EXOC3: variants seen among roughly 807,000 people sequenced by gnomAD.
EXOC3 encodes the protein exocyst complex component 3.
In EXOC3, 21 loss-of-function variants were observed where a neutral mutation model predicts 73.7. The ratio of observed to expected loss-of-function variants is 0.29; its 90% CI spans 0.20 to 0.41. The LOEUF (loss-of-function observed/expected upper bound fraction) is 0.41, where lower values mean the gene tolerates loss of function less well. EXOC3 is among the 10% of genes least tolerant of loss of function. EXOC3 has a pLI of 1.00. For missense variants in EXOC3, 842 were observed against 985.1 expected (o/e 0.85, Z 1.95); for synonymous variants, 410 against 389.1 (o/e 1.05, Z -0.63).
rs11742785 is a variant in EXOC3, at chr5:458,085, G to C, written c.1290+60G>C. ...CCTAGGTGGATAGTGGGACCTGTAG[G>C]TTTTACAAAGTGACACAGATACCTG... On this transcript the variant is annotated intron_variant, in intron 6 of 12. Coordinates refer to ENST00000512944, the MANE Select transcript of EXOC3 (RefSeq NM_007277.5). 5.1e-3 allele frequency: 7,817 copies of C among 1,546,016 alleles called. 20 individuals carry two copies. Among genetic ancestry groups the C allele is most frequent in the Middle Eastern group, 7.9e-3 (40 of 5,078 alleles).
At chr5:449,586 A>T (rs72717440) in intron 3 of EXOC3, among the ~76,000 whole-genome samples, 40,373 of 152,162 alleles carry the variant, frequency 0.27, 6,998 homozygotes, top group Non-Finnish European at 0.39. Context: ...ACTCAGCATG[A>T]TGTCCTCAGG....
intron 3 of EXOC3, among the ~76,000 whole-genome samples, chr5:450,582 G>T (rs1244581988): frequency 6.6e-6 from 1 of 152,138 alleles, no homozygotes; most frequent in East Asian, 1.9e-4. Context: ...CTCTTTCCTT[G>T]TTTAGCTTCT....
intron 9 of EXOC3, among the ~76,000 whole-genome samples, chr5:463,501 T>C (rs36111336): frequency 0.14 from 21,399 of 152,276 alleles, 1,956 homozygotes; most frequent in Non-Finnish European, 0.2. Context: ...ACGTGGATGC[T>C]GTTCAGGCTT....
intron 7 of EXOC3, among the ~76,000 whole-genome samples, chr5:460,304 G>GA (rs1175737538): frequency 6.6e-6 from 1 of 151,602 alleles, no homozygotes; most frequent in Non-Finnish European, 1.5e-5. Context: ...TCTCTGTAGA[G>GA]AGATGTCCCT....
At position 462,323 on chromosome 5, in the gene EXOC3, T is replaced by C. The variant is rs747595341; in HGVS notation, c.1653+16T>C. The C allele has an allele frequency of 1.2e-6, 2 of 1,613,716 alleles. No homozygotes were observed. The highest frequency in any genetic ancestry group is 2.2e-5 in the South Asian group (2 of 91,084). ...GGACCTGGAGGTGGGCCTGGCTCTT[T>C]CCTCCTGCCGTTTTCTGGGCCGAAG... On this transcript the variant is annotated intron_variant, in intron 9 of 12. Transcript: ENST00000512944.
At chr5:451,548 T>C (rs1339978209) in intron 3 of EXOC3, among the ~76,000 whole-genome samples, 1 of 152,252 alleles carries the variant, frequency 6.6e-6, no homozygotes, top group East Asian at 1.9e-4. Flanking sequence ...AGAACAAATA[T>C]TAGTCTCTTA....
At chr5:466,121 C>T in intron 12 of EXOC3, 1 of 355,576 alleles carries the variant, frequency 2.8e-6, no homozygotes. Context: ...GACAGCTCTG[C>T]TGTGTGTGGT....
intron 3 of EXOC3, among the ~76,000 whole-genome samples, chr5:451,104 G>A (rs1486602251): frequency 6.6e-6 from 1 of 152,034 alleles, no homozygotes; most frequent in Non-Finnish European, 1.5e-5. Context: ...TTTTCTATAT[G>A]CGGTATAACA....
chr5:465,479 G>A (rs1402029914), intron 11 of EXOC3, among the ~76,000 whole-genome samples: 3 of 152,232 alleles, frequency 2.0e-5, no homozygotes, highest in African/African-American at 7.2e-5. Context: ...TCCCGAGGCC[G>A]CCCACAGCTC....
At chr5:464,510 A>G in intron 10 of EXOC3, 98 bp downstream of exon 10, 2 of 1,345,860 alleles carry the variant, frequency 1.5e-6, no homozygotes, top group Non-Finnish European at 2.1e-6. Context: ...TCCGTGAGTG[A>G]ACGTTCACTT....
rs776096698 is a variant in EXOC3 at position 457,929 on chromosome 5, G to T, written c.1194G>T (p.Ala398=). The T allele has an allele frequency of 3.7e-6, 6 of 1,610,112 alleles. No individual in the cohort carries two copies. The highest frequency in any genetic ancestry group is 5.1e-6 in the Non-Finnish European group (6 of 1,177,892). ...ACATCATCGCCTGGCTGCGGAAAGC[G>T]CTGGAGACAGACAAGAAAGACTGGG... ...TSNIIAWLRK[A]LETDKKDWVK... is the part of the protein sequence containing the mutation. The change falls in exon 6 of 13, where the codon GCG becomes GCT. Residue 398 remains alanine, a synonymous_variant. Coordinates refer to ENST00000512944, the MANE Select transcript of EXOC3 (RefSeq NM_007277.5).
chr5:447,111 A>T, intron 2 of EXOC3: 1 of 157,168 alleles, frequency 6.4e-6, no homozygotes. Flanking sequence ...GAACTCCCCC[A>T]CCCCAAGCCA....
chr5:463,205 A>G (rs971824657), intron 9 of EXOC3, among the ~76,000 whole-genome samples: 1 of 152,244 alleles, frequency 6.6e-6, no homozygotes, highest in Non-Finnish European at 1.5e-5. Context: ...CTGATTCATC[A>G]GTGTCTGGTT....
At chr5:465,987 G>A in intron 12 of EXOC3, 142 bp downstream of exon 12, 2 of 920,478 alleles carry the variant, frequency 2.2e-6, no homozygotes, top group African/African-American at 3.3e-5. Flanking sequence ...GGCACAGCGG[G>A]GCCCAGGCGC....
intron 2 of EXOC3, chr5:446,919 A>G (rs889139089): frequency 6.4e-6 from 1 of 155,642 alleles, no homozygotes; most frequent in Non-Finnish European, 1.4e-5. Context: ...AAGTTTTTAA[A>G]CAATACTGGA....
At position 459,387 on chromosome 5, in the gene EXOC3, CTCAGA is replaced by C. The variant is rs761810579; in HGVS notation, c.1321_1325del (p.Gln441LysfsTer2). The C allele has an allele frequency of 1.9e-6, 3 of 1,567,360 alleles. No homozygotes were observed. The highest frequency in any genetic ancestry group is 2.6e-6 in the Non-Finnish European group (3 of 1,151,876). ...TTTGAACAGAATCTTCAAGTTGCTG[CTCAGA>C]TAAGTGAAGATTTGAAAACAAAGGT... On this transcript the variant is annotated frameshift_variant, in exon 7 of 13. Transcript: ENST00000512944. LOFTEE classifies it high-confidence loss of function.
intron 7 of EXOC3, among the ~76,000 whole-genome samples, chr5:461,468 C>T (rs534323098): frequency 6.6e-6 from 1 of 152,142 alleles, no homozygotes; most frequent in Non-Finnish European, 1.5e-5. Context: ...CAAAAATTAG[C>T]TGGGCATGGT....
intron 4 of EXOC3, 69 bp downstream of exon 4, chr5:454,120 T>G: frequency 7.5e-7 from 1 of 1,333,600 alleles, no homozygotes; most frequent in Non-Finnish European, 1.0e-6. Context: ...CTGCAGCTGC[T>G]TGCTGGAGAG....
intron 9 of EXOC3, 56 bp downstream of exon 9, chr5:462,363 A>C (rs1194734245): frequency 1.9e-6 from 3 of 1,592,828 alleles, no homozygotes; most frequent in South Asian, 1.1e-5. Flanking sequence ...GTGCTTCCTC[A>C]CTGCCCTCTG....
Sources: allele counts gnomAD v4.1 joint callset (sites outside exome capture counted in the v4.1 genomes callset), GRCh38; gene constraint gnomAD v4.1.1; transcripts MANE v1.5; gene names NCBI Gene and HGNC (gene_info 2026-07-23, HGNC 2026-07-21).